UNC5D: variants seen among roughly 807,000 people sequenced by gnomAD.
UNC5D encodes unc-5 netrin receptor D, also known as netrin receptor UNC5D.
In UNC5D, 39 loss-of-function variants were observed where a neutral mutation model predicts 105.4. That is an observed-to-expected ratio of 0.37 (90% CI 0.29 to 0.48). The LOEUF is 0.48. UNC5D is among the 20% of genes least tolerant of loss of function. UNC5D has a pLI of 0.98. For missense variants in UNC5D, 991 were observed against 1,202.4 expected (o/e 0.82, Z 2.60); for synonymous variants, 452 against 450.4 (o/e 1.00, Z -0.04).
At chr8:35,701,102 T>C (rs1184019553) in intron 7 of UNC5D, among the ~76,000 whole-genome samples, 1 of 152,272 alleles carries the variant, frequency 6.6e-6, no homozygotes, top group East Asian at 1.9e-4. Flanking sequence ...ATGACTAGTC[T>C]AGTGAAATGA....
chr8:35,340,177 A>G (rs1390386602), intron 1 of UNC5D, among the ~76,000 whole-genome samples: 1 of 152,174 alleles, frequency 6.6e-6, no homozygotes, highest in Non-Finnish European at 1.5e-5. Context: ...GGATTTTCTC[A>G]TGAACCCTTG....
chr8:35,296,743 T>C (rs1807521998), intron 1 of UNC5D, among the ~76,000 whole-genome samples: 1 of 152,170 alleles, frequency 6.6e-6, no homozygotes, highest in South Asian at 2.1e-4. Flanking sequence ...TTTTCATGTA[T>C]CTTTTGGCCA....
intron 1 of UNC5D, among the ~76,000 whole-genome samples, chr8:35,435,081 C>G (rs951559166): frequency 6.6e-6 from 1 of 152,022 alleles, no homozygotes; most frequent in African/African-American, 2.4e-5. Context: ...ATGGTTTTTT[C>G]TGAAGAGGGT....
chr8:35,312,710 T>C (rs1183191320), intron 1 of UNC5D, among the ~76,000 whole-genome samples: 1 of 152,180 alleles, frequency 6.6e-6, no homozygotes, highest in African/African-American at 2.4e-5. Context: ...ATAAGGGCCG[T>C]CAGATCATAG....
At chr8:35,747,506 A>G (rs1830065498) in intron 11 of UNC5D, among the ~76,000 whole-genome samples, 1 of 152,196 alleles carries the variant, frequency 6.6e-6, no homozygotes, top group South Asian at 2.1e-4. Context: ...TTTAGTAATA[A>G]TACCAATTCC....
intron 4 of UNC5D, among the ~76,000 whole-genome samples, chr8:35,656,790 A>C (rs535589962): frequency 6.6e-6 from 1 of 152,182 alleles, no homozygotes; most frequent in East Asian, 1.9e-4. Context: ...CTTTAGCAGC[A>C]CAGTTCAGGA....
In UNC5D at chr8:35,247,510, T is replaced by TTC. The variant is rs1231286251; in HGVS notation, c.103+11635_103+11636dup. On this transcript the variant is annotated intron_variant, in intron 1 of 16. Transcript: ENST00000404895. ...AATCTACTAGGAGATCCTAAATAAC[T>TTC]TCTCTCTCTCTCTATATATATATAT... is the stretch of plus-strand genomic sequence containing the variant. Among the ~76,000 whole-genome samples the TTC allele has an allele frequency of 4.7e-5, 6 of 126,358 alleles. No homozygotes were observed. The South Asian group carries it at 6.8e-4, about 14-fold the overall frequency. 82.9% of individuals were successfully genotyped at this position (126,358 alleles called of 152,430 possible). A position where few individuals can be genotyped will look rare whatever the true frequency, so the allele number is the denominator to read the frequency against.
At chr8:35,742,932 C>T (rs1249691780) in intron 11 of UNC5D, among the ~76,000 whole-genome samples, 1 of 152,152 alleles carries the variant, frequency 6.6e-6, no homozygotes, top group Non-Finnish European at 1.5e-5. Context: ...GTGTTTCATA[C>T]ATTAATCAGT....
At chr8:35,258,842 T>A (rs1380312090) in intron 1 of UNC5D, among the ~76,000 whole-genome samples, 1 of 152,086 alleles carries the variant, frequency 6.6e-6, no homozygotes, top group East Asian at 1.9e-4. Flanking sequence ...GCCAAGAGCC[T>A]CCCGAATCTT....
chr8:35,602,349 G>A (rs1819946780), intron 4 of UNC5D, among the ~76,000 whole-genome samples: 2 of 152,044 alleles, frequency 1.3e-5, no homozygotes, highest in African/African-American at 4.8e-5. Context: ...TTTTTCTATT[G>A]ATTGGAATAG....
At chr8:35,570,934 G>A (rs1424729018) in intron 3 of UNC5D, among the ~76,000 whole-genome samples, 1 of 151,720 alleles carries the variant, frequency 6.6e-6, no homozygotes, top group East Asian at 1.9e-4. Flanking sequence ...CTCCAGCCTG[G>A]GCAACAAGAG....
In UNC5D at chr8:35,795,440, G is replaced by T. The variant is rs1440612338; in HGVS notation, c.*4877G>T. 6.6e-6 allele frequency: 1 copy of T among 152,188 alleles called. No homozygotes were observed. Among genetic ancestry groups the T allele is most frequent in the Non-Finnish European group, 1.5e-5 (1 of 68,040 alleles). The allele number at this position is 152,188 out of a possible 1,614,324, so 9.4% of individuals were successfully genotyped here. On this transcript the variant is annotated 3_prime_UTR_variant, in exon 17 of 17. Transcript: ENST00000404895. ...TTAAATTTTCATTTCTGTAGGTGGAGATTTAACTATGGTTCTGGTGAATCA... is the reference window on the plus strand; with the variant it reads ...TTAAATTTTCATTTCTGTAGGTGGATATTTAACTATGGTTCTGGTGAATCA...
intron 1 of UNC5D, among the ~76,000 whole-genome samples, chr8:35,436,353 A>G (rs981029245): frequency 1.3e-5 from 2 of 152,098 alleles, no homozygotes; most frequent in Admixed American, 1.3e-4. Context: ...AACAAGCATT[A>G]ATCACAGCAC....
chr8:35,495,973 G>A (rs2130172192), intron 1 of UNC5D, among the ~76,000 whole-genome samples: 1 of 152,300 alleles, frequency 6.6e-6, no homozygotes, highest in East Asian at 1.9e-4. Context: ...ACTTTACGTG[G>A]TGGCAAAAGG....
At chr8:35,321,485 G>A (rs1016172717) in intron 1 of UNC5D, among the ~76,000 whole-genome samples, 7 of 152,078 alleles carry the variant, frequency 4.6e-5, no homozygotes, top group African/African-American at 1.2e-4. Context: ...GCTGCCTTGT[G>A]GAGGAGGTGT....
chr8:35,433,056 A>G (rs1013114280), intron 1 of UNC5D, among the ~76,000 whole-genome samples: 2 of 152,214 alleles, frequency 1.3e-5, no homozygotes, highest in Non-Finnish European at 2.9e-5. Context: ...ACTTTTTATG[A>G]ATTTGAATTG....
chr8:35,407,930 A>G (rs1490319906), intron 1 of UNC5D, among the ~76,000 whole-genome samples: 1 of 152,040 alleles, frequency 6.6e-6, no homozygotes, highest in Non-Finnish European at 1.5e-5. Context: ...TTCTTTATCC[A>G]GTCTATCCAC....
At chr8:35,616,436 C>A (rs2131006490) in intron 4 of UNC5D, among the ~76,000 whole-genome samples, 1 of 152,334 alleles carries the variant, frequency 6.6e-6, no homozygotes, top group East Asian at 1.9e-4. Context: ...AAGCCTCCTG[C>A]TTTTCCTCCA....
chr8:35,578,225 CAAAA>C (rs5890822), intron 3 of UNC5D, among the ~76,000 whole-genome samples: 1 of 59,208 alleles, frequency 1.7e-5, no homozygotes, highest in Non-Finnish European at 3.7e-5. Context: ...AACTCTGTCT[CAAAA>C]AAAAAAAAAA....
Sources: allele counts gnomAD v4.1 joint callset (sites outside exome capture counted in the v4.1 genomes callset), GRCh38; gene constraint gnomAD v4.1.1; transcripts MANE v1.5; gene names NCBI Gene and HGNC (gene_info 2026-07-23, HGNC 2026-07-21).